CAPN15: variants seen among roughly 807,000 people sequenced by gnomAD.
CAPN15 encodes the protein calpain 15.
A neutral mutation model predicts 97.9 loss-of-function variants in CAPN15; 53 were observed. The ratio of observed to expected loss-of-function variants is 0.54; its 90% confidence interval spans 0.43 to 0.68. The LOEUF (loss-of-function observed/expected upper bound fraction) is 0.68. Ranked by LOEUF, CAPN15 falls within the 30% of genes least tolerant of loss-of-function variation. The pLI is 0.00. For missense variants in CAPN15, 1,592 were observed against 1,589.8 expected, an observed-to-expected ratio of 1.00 and a Z score of -0.02; for synonymous variants, 922 against 722.5, an observed-to-expected ratio of 1.28 and a Z score of -4.43.
chr16:542,769 T>A (rs1303357122), intron 3 of CAPN15, among the ~76,000 whole-genome samples: 3 of 146,142 alleles, frequency 2.1e-5, no homozygotes, highest in African/African-American at 5.2e-5. Flanking sequence ...AAAAAAAAAA[T>A]TTGGCCAGGC....
intron 3 of CAPN15, chr16:537,444 G>T (rs1036440138): frequency 2.0e-6 from 2 of 985,516 alleles, no homozygotes; most frequent in African/African-American, 1.7e-5. Context: ...GGGTGAGTGC[G>T]TGGGTGGGTG....
chr16:545,237 G>A (rs1373463271), intron 3 of CAPN15, among the ~76,000 whole-genome samples: 2 of 151,892 alleles, frequency 1.3e-5, no homozygotes. Context: ...ACCTGCCCAG[G>A]CCCTGCAGAG....
intron 6 of CAPN15, 58 bp from the exon 7 acceptor site, chr16:549,557 C>G (rs2034843035): frequency 1.4e-5 from 21 of 1,506,280 alleles, no homozygotes; most frequent in Non-Finnish European, 1.9e-5. Flanking sequence ...TTCCTCTTCT[C>G]CCAGGGCGGG....
chr16:533,866 T>C, intron 1 of CAPN15, 80 bp from the exon 2 acceptor site: 1 of 677,468 alleles, frequency 1.5e-6, no homozygotes, highest in Non-Finnish European at 1.8e-6. Context: ...CAGAGAGGGC[T>C]GGAGGCGGGG....
Position 554,243 on chromosome 16 carries a change from T to G in CAPN15, c.*727T>G. The stretch of plus-strand genomic sequence containing the variant: ...CCAACCCTGTCCCTCGGCCCGGCCC[T>G]GCCAGAGAGGGACCCCAGCACATCG... On this transcript the variant is annotated 3_prime_UTR_variant, in exon 14 of 14. Transcript: ENST00000219611. 3.0e-6 allele frequency: 1 copy of G among 331,514 alleles called. No homozygotes were observed. Among genetic ancestry groups the G allele is most frequent in the African/African-American group, 2.1e-5 (1 of 46,524 alleles). The allele number at this position is 331,514 out of a possible 1,614,324, so 20.5% of individuals were successfully genotyped here. A position where few individuals can be genotyped will look rare whatever the true frequency, so the allele number is the denominator to read the frequency against.
At chr16:546,196 C>T (rs996906594) in intron 3 of CAPN15, among the ~76,000 whole-genome samples, 2 of 152,266 alleles carry the variant, frequency 1.3e-5, no homozygotes, top group African/African-American at 4.8e-5. Context: ...GTGTTGCTCG[C>T]GGAGACTTTT....
In CAPN15 at chr16:554,384, G is replaced by A. The variant is rs974876861; in HGVS notation, c.*868G>A. ...GGCCCCTCACTCCCGGCAGCGGGCCGGCCTCGCCCCCACTCCCCCTCCTAC... is the reference window on the plus strand; with the variant it reads ...GGCCCCTCACTCCCGGCAGCGGGCCAGCCTCGCCCCCACTCCCCCTCCTAC... On this transcript the variant is annotated 3_prime_UTR_variant, in exon 14 of 14. Transcript: ENST00000219611. 9 of 402,296 alleles carry A rather than the reference G, an allele frequency of 2.2e-5. No homozygotes were observed. Among genetic ancestry groups the A allele is most frequent in the East Asian group, 1.4e-4 (2 of 13,980 alleles). The allele number at this position is 402,296 out of a possible 1,614,324, so 24.9% of individuals were successfully genotyped here. A position where few individuals can be genotyped will look rare whatever the true frequency, so the allele number is the denominator to read the frequency against.
At chr16:545,072 C>T (rs79796079) in intron 3 of CAPN15, among the ~76,000 whole-genome samples, 14,227 of 151,708 alleles carry the variant, frequency 0.094, 698 homozygotes, top group Non-Finnish European at 0.11. Context: ...GCTCCTGACG[C>T]GAGCTTTTAC....
At chr16:537,544 GC>G in intron 3 of CAPN15, 2 of 660,674 alleles carry the variant, frequency 3.0e-6, no homozygotes, top group Non-Finnish European at 3.8e-6. Flanking sequence ...CCAGCTCAGG[GC>G]CCAGTGCAAG....
At position 551,153 on chromosome 16, in the gene CAPN15, G is replaced by GCCC. The variant is rs2035035641; in HGVS notation, c.2067-148_2067-147insCCC. ...TTGGTGAGGGCCCCGGTCGGTGAGG[G>GCCC]CGCCCCGTCGGTGAGGGTCCCGGTC... On this transcript the variant is annotated intron_variant, in intron 7 of 13. Coordinates refer to ENST00000219611, the MANE Select transcript of CAPN15 (RefSeq NM_005632.3). 1.1e-4 allele frequency: 141 copies of GCCC among 1,313,612 alleles called. 3 individuals carry two copies. In the African/African-American group the frequency reaches 1.4e-3, roughly 13 times the overall value. The allele number at this position is 1,313,612 out of a possible 1,614,324, so 81.4% of individuals were successfully genotyped here.
intron 1 of CAPN15, among the ~76,000 whole-genome samples, chr16:528,361 C>A (rs1237702049): frequency 1.3e-5 from 2 of 152,228 alleles, no homozygotes; most frequent in Non-Finnish European, 2.9e-5. Context: ...GCGGCCTCGG[C>A]CCTGCCTGCC....
chr16:551,885 C>T, intron 9 of CAPN15, 166 bp from the exon 10 acceptor site: 3 of 977,196 alleles, frequency 3.1e-6, no homozygotes, highest in Non-Finnish European at 1.6e-6. Flanking sequence ...TGGAGGGCTT[C>T]CTATTATAGG....
chr16:551,772 G>C, intron 9 of CAPN15, 108 bp downstream of exon 9: 1 of 1,418,366 alleles, frequency 7.1e-7, no homozygotes, highest in East Asian at 2.4e-5. Context: ...GGGGCGGCTT[G>C]TTCGTGGCCC....
chr16:546,671 G>A (rs940123791), intron 3 of CAPN15, 146 bp from the exon 4 acceptor site: 53 of 1,114,274 alleles, frequency 4.8e-5, no homozygotes, highest in Non-Finnish European at 5.5e-5. Context: ...AGCCCCCACC[G>A]CCGCCTGCCT....
In CAPN15 at chr16:554,517, G is replaced by A. The variant is rs1030943019; in HGVS notation, c.*1001G>A. 3.7e-5 allele frequency: 17 copies of A among 456,010 alleles called. No individual in the cohort carries two copies. Among genetic ancestry groups the A allele is most frequent in the Non-Finnish European group, 2.6e-5 (6 of 226,758 alleles). The allele number at this position is 456,010 out of a possible 1,614,324, so 28.2% of individuals were successfully genotyped here. A position where few individuals can be genotyped will look rare whatever the true frequency, so the allele number is the denominator to read the frequency against. On this transcript the variant is annotated 3_prime_UTR_variant, in exon 14 of 14. Coordinates refer to ENST00000219611, the MANE Select transcript of CAPN15 (RefSeq NM_005632.3). ...ATTTTTAACCCTGTAAATACGGCCA[G>A]CTCTTGTGACACAGAGACTATTTTA...
At chr16:551,220 T>TG in intron 7 of CAPN15, 82 bp from the exon 8 acceptor site, 1 of 1,363,236 alleles carries the variant, frequency 7.3e-7, no homozygotes, top group Non-Finnish European at 9.4e-7. Flanking sequence ...TCGGTGAGGG[T>TG]CCCGGTCAGT....
At chr16:536,657 C>T (rs970864858) in intron 3 of CAPN15, among the ~76,000 whole-genome samples, 5 of 152,174 alleles carry the variant, frequency 3.3e-5, no homozygotes, top group Non-Finnish European at 7.4e-5. Flanking sequence ...AACTCCTGAC[C>T]TCGTGATCCA....
intron 2 of CAPN15, among the ~76,000 whole-genome samples, chr16:534,200 A>G (rs2033500711): frequency 2.6e-5 from 4 of 152,376 alleles, no homozygotes; most frequent in East Asian, 1.9e-4. Context: ...CTGTCGTGGG[A>G]GGCGACGGTG....
intron 3 of CAPN15, chr16:540,077 G>A (rs933492307): frequency 4.1e-6 from 4 of 985,180 alleles, no homozygotes; most frequent in South Asian, 4.7e-5. Flanking sequence ...TTTTTGTTGT[G>A]TGTCACTCTG....
Sources: gnomAD v4.1 joint callset for allele counts (sites outside exome capture counted in the v4.1 genomes callset) on GRCh38, gnomAD v4.1.1 for gene constraint, MANE v1.5 for transcripts, NCBI Gene and HGNC (gene_info 2026-07-23, HGNC 2026-07-21) for gene names.